The following CHST11 variants were observed in gnomAD, a reference collection of about 807,000 sequenced individuals.
CHST11 encodes carbohydrate sulfotransferase 11.
CHST11 carries 9 observed loss-of-function variants against 30.4 expected under a neutral mutation model. The ratio of observed to expected loss-of-function variants is 0.30; its 90% confidence interval spans 0.18 to 0.52. CHST11 has a LOEUF of 0.52. CHST11 is among the 20% of genes least tolerant of loss of function. The probability of loss-of-function intolerance (pLI) is 0.97; values close to 1 mark genes in which losing one functional copy is unlikely to be tolerated. For synonymous variants in CHST11, 152 were observed against 187.8 expected, an observed-to-expected ratio of 0.81 and a Z score of 1.56; for missense variants, 348 against 460.6, an observed-to-expected ratio of 0.76 and a Z score of 2.24.
Position 104,676,655 on chromosome 12 carries a change from G to A in CHST11, c.204+74664G>A, listed in dbSNP as rs2039745529. On this transcript the variant is annotated intron_variant, in intron 2 of 2. Transcript: ENST00000303694. This position sits in a 1 kb window ranked among gnomAD's most constrained non-coding sequence, Gnocchi z 4.4. Reference sequence around the variant, plus strand: ...GTCTCGATCTCCTGACCTTGTGATCGGCCTCCCAAAGTGTTGGGATTACAG... The same window carrying A: ...GTCTCGATCTCCTGACCTTGTGATCAGCCTCCCAAAGTGTTGGGATTACAG... Among the ~76,000 whole-genome samples the A allele has an allele frequency of 1.3e-5, 2 of 152,214 alleles. No homozygotes were observed. The highest frequency in any genetic ancestry group is 2.1e-4 in the South Asian group (1 of 4,816).
At chr12:104,476,823 T>C (rs1165036470) in intron 1 of CHST11, among the ~76,000 whole-genome samples, 3 of 151,620 alleles carry the variant, frequency 2.0e-5, no homozygotes. Flanking sequence ...TCAACATTCA[T>C]GCTTGCATTG....
At chr12:104,651,095 C>A (rs991815361) in intron 2 of CHST11, among the ~76,000 whole-genome samples, 24 of 152,356 alleles carry the variant, frequency 1.6e-4, no homozygotes, top group African/African-American at 5.8e-4. Context: ...GTTTTCAAGA[C>A]CCTCAGTCTG....
chr12:104,504,188 G>A (rs190031300), intron 1 of CHST11, among the ~76,000 whole-genome samples: 1 of 152,294 alleles, frequency 6.6e-6, no homozygotes, highest in Admixed American at 6.5e-5. Context: ...TGGGAGGAAG[G>A]GCTCCTCTGG....
chr12:104,620,642 G>T (rs1181872678), intron 2 of CHST11, among the ~76,000 whole-genome samples: 2 of 152,076 alleles, frequency 1.3e-5, no homozygotes, highest in Non-Finnish European at 2.9e-5. Context: ...TTGTTTGTTT[G>T]TTTGTTTTTA....
chr12:104,486,023 C>T (rs1787289084), intron 1 of CHST11, among the ~76,000 whole-genome samples: 1 of 152,108 alleles, frequency 6.6e-6, no homozygotes, highest in Non-Finnish European at 1.5e-5. Flanking sequence ...CATGTGTGCA[C>T]GTGTGTGCCT....
chr12:104,621,533 C>T (rs1352763102), intron 2 of CHST11, among the ~76,000 whole-genome samples: 1 of 152,182 alleles, frequency 6.6e-6, no homozygotes, highest in African/African-American at 2.4e-5. Flanking sequence ...CTGGATTATC[C>T]GGATGGGTCC....
chr12:104,534,358 G>C (rs2038215522), intron 1 of CHST11, among the ~76,000 whole-genome samples: 1 of 152,142 alleles, frequency 6.6e-6, no homozygotes, highest in Non-Finnish European at 1.5e-5. Context: ...GGTTTCTCTA[G>C]CAATTCTCAC....
At chr12:104,653,720 T>C (rs546082432) in intron 2 of CHST11, among the ~76,000 whole-genome samples, 1 of 152,186 alleles carries the variant, frequency 6.6e-6, no homozygotes, top group African/African-American at 2.4e-5. Flanking sequence ...CAACCCTATA[T>C]GCAGAAACCT....
intron 2 of CHST11, among the ~76,000 whole-genome samples, chr12:104,621,566 G>A (rs1313139371): frequency 6.6e-6 from 1 of 152,216 alleles, no homozygotes; most frequent in Non-Finnish European, 1.5e-5. Flanking sequence ...AGGATGATAA[G>A]GGAGGCAGGA....
At chr12:104,546,167 G>A (rs924461848) in intron 1 of CHST11, among the ~76,000 whole-genome samples, 1 of 151,936 alleles carries the variant, frequency 6.6e-6, no homozygotes, top group African/African-American at 2.4e-5. Flanking sequence ...ATCAAGGCTT[G>A]CAAAAGATTT....
chr12:104,735,721 C>G (rs2136135362), intron 2 of CHST11, among the ~76,000 whole-genome samples: 1 of 152,326 alleles, frequency 6.6e-6, no homozygotes, highest in East Asian at 1.9e-4. Context: ...GACAGGGCTG[C>G]TGAGAGACAG....
intron 1 of CHST11, among the ~76,000 whole-genome samples, chr12:104,555,064 A>G (rs749894106): frequency 7.2e-5 from 11 of 152,206 alleles, no homozygotes; most frequent in Non-Finnish European, 1.3e-4. Flanking sequence ...GTGTTGGCAA[A>G]TGGCAGTCAG....
At chr12:104,624,912 G>T (rs758178142) in intron 2 of CHST11, among the ~76,000 whole-genome samples, 1 of 152,188 alleles carries the variant, frequency 6.6e-6, no homozygotes, top group African/African-American at 2.4e-5. Context: ...CACGGTGCCC[G>T]TGCACTCCTG....
At chr12:104,581,259 A>G (rs933574479) in intron 1 of CHST11, among the ~76,000 whole-genome samples, 7 of 152,174 alleles carry the variant, frequency 4.6e-5, no homozygotes, top group African/African-American at 1.7e-4. Context: ...TGCTGGGGGA[A>G]CAACCTCAAG....
chr12:104,757,964 ACAGCTGTC>A lies in CHST11; in HGVS notation c.*162_*169del. On this transcript the variant is annotated 3_prime_UTR_variant, in exon 3 of 3. Coordinates refer to ENST00000303694, the MANE Select transcript of CHST11 (RefSeq NM_018413.6). The surrounding 1 kb of genome is among the most constrained non-coding windows in gnomAD (Gnocchi z 6.5). Reference sequence around the variant, plus strand: ...TATTTAAAATCCTTCGTAGGGAAGGACAGCTGTCTTTGCAGGGGAAATAGGATGGGTCG... The same window carrying A: ...TATTTAAAATCCTTCGTAGGGAAGGATTTGCAGGGGAAATAGGATGGGTCG... 1.3e-6 allele frequency: 1 copy of A among 795,760 alleles called. No individual in the cohort carries two copies. Among genetic ancestry groups the A allele is most frequent in the Non-Finnish European group, 1.9e-6 (1 of 519,172 alleles). 49.3% of individuals were successfully genotyped at this position (795,760 alleles called of 1,614,324 possible). A position where few individuals can be genotyped will look rare whatever the true frequency, so the allele number is the denominator to read the frequency against.
intron 2 of CHST11, among the ~76,000 whole-genome samples, chr12:104,702,677 C>G (rs2039999203): frequency 6.6e-6 from 1 of 152,182 alleles, no homozygotes; most frequent in South Asian, 2.1e-4. Flanking sequence ...CTCTCCCTCC[C>G]CATTCTCTCA....
intron 1 of CHST11, among the ~76,000 whole-genome samples, chr12:104,541,005 A>G (rs941947966): frequency 6.6e-6 from 1 of 152,142 alleles, no homozygotes; most frequent in African/African-American, 2.4e-5. Flanking sequence ...GAACTTTTCA[A>G]ATGACTCTTA....
chr12:104,716,442 A>G (rs1411441667), intron 2 of CHST11, among the ~76,000 whole-genome samples: 1 of 152,238 alleles, frequency 6.6e-6, no homozygotes, highest in Non-Finnish European at 1.5e-5. Context: ...CCTCATGAGT[A>G]TTGTGAGAAG....
At chr12:104,614,415 G>C (rs566495857) in intron 2 of CHST11, among the ~76,000 whole-genome samples, 25 of 152,266 alleles carry the variant, frequency 1.6e-4, no homozygotes, top group African/African-American at 5.1e-4. Context: ...ATGGTGTTGT[G>C]CACCAATTGT....
Sources: allele counts gnomAD v4.1 joint callset (sites outside exome capture counted in the v4.1 genomes callset), GRCh38; gene constraint gnomAD v4.1.1; non-coding constraint Gnocchi (gnomAD v3.1); transcripts MANE v1.5; gene names NCBI Gene and HGNC (gene_info 2026-07-23, HGNC 2026-07-21).